Variants in EPHA4 observed in about 807,000 individuals in gnomAD.
EPHA4 encodes the protein EPH receptor A4.
Under a neutral mutation model 108.3 loss-of-function variants are expected in EPHA4, and 19 were observed. The ratio of observed to expected loss-of-function variants is 0.18; its 90% CI spans 0.12 to 0.26. The LOEUF (loss-of-function observed/expected upper bound fraction) is 0.26, where lower values mean the gene tolerates loss of function less well. Among genes scored for constraint, EPHA4 ranks in the 10% least tolerant of loss-of-function variants. EPHA4 has a pLI of 1.00. For missense variants in EPHA4, 917 were observed against 1,254.0 expected, an observed-to-expected ratio of 0.73 and a Z score of 4.06; for synonymous variants, 449 against 455.5, an observed-to-expected ratio of 0.99 and a Z score of 0.18.
intron 3 of EPHA4, among the ~76,000 whole-genome samples, chr2:221,538,019 C>A (rs1335603011): frequency 2.0e-5 from 3 of 152,056 alleles, no homozygotes; most frequent in Non-Finnish European, 4.4e-5. Context: ...GGGGGTTATA[C>A]TTTAGAATTA....
chr2:221,539,426 G>A (rs905783254), intron 3 of EPHA4, among the ~76,000 whole-genome samples: 9 of 152,114 alleles, frequency 5.9e-5, no homozygotes, highest in Admixed American at 3.3e-4. Flanking sequence ...ATGAAGGAAC[G>A]CAATCAAAAT....
At chr2:221,538,128 A>C (rs75381206) in intron 3 of EPHA4, among the ~76,000 whole-genome samples, 164 of 152,336 alleles carry the variant, frequency 1.1e-3, no homozygotes, top group Non-Finnish European at 2.0e-3. Context: ...AAGAGTCTAA[A>C]ACGTAGTGGG....
chr2:221,509,515 G>T (rs1344030766), intron 3 of EPHA4, among the ~76,000 whole-genome samples: 1 of 152,170 alleles, frequency 6.6e-6, no homozygotes, highest in Admixed American at 6.6e-5. Context: ...GTACTGAGTT[G>T]CTTGGCTCTG....
intron 15 of EPHA4, among the ~76,000 whole-genome samples, chr2:221,427,065 C>T (rs1406494268): frequency 6.6e-6 from 1 of 152,202 alleles, no homozygotes; most frequent in Non-Finnish European, 1.5e-5. Context: ...TTGCCACCTG[C>T]CAGACTGGAT....
chr2:221,432,000 A>C (rs1690090614), intron 14 of EPHA4, among the ~76,000 whole-genome samples: 1 of 152,164 alleles, frequency 6.6e-6, no homozygotes, highest in Non-Finnish European at 1.5e-5. Context: ...TCTACATAGA[A>C]TCCAACACAG....
chr2:221,501,346 C>T, intron 3 of EPHA4, 174 bp from the exon 4 acceptor site: 2 of 529,922 alleles, frequency 3.8e-6, no homozygotes, highest in Non-Finnish European at 6.4e-6. Flanking sequence ...AGTATAGTCG[C>T]TCTTTAAGGG....
At chr2:221,538,301 A>G (rs1693730098) in intron 3 of EPHA4, among the ~76,000 whole-genome samples, 1 of 152,228 alleles carries the variant, frequency 6.6e-6, no homozygotes, top group South Asian at 2.1e-4. Flanking sequence ...CAATCTGGTG[A>G]CATGACAAAA....
intron 1 of EPHA4, among the ~76,000 whole-genome samples, chr2:221,570,687 A>G (rs1308838727): frequency 3.7e-5 from 4 of 108,218 alleles, no homozygotes; most frequent in Non-Finnish European, 8.8e-5. Flanking sequence ...CCTTCGGAAC[A>G]GAGAAAACGA....
intron 3 of EPHA4, among the ~76,000 whole-genome samples, chr2:221,506,579 C>CAA (rs1401971981): frequency 6.6e-6 from 1 of 152,184 alleles, no homozygotes; most frequent in Non-Finnish European, 1.5e-5. Context: ...TGAAGATGGA[C>CAA]AATTGGAACT....
At chr2:221,511,069 GA>G (rs1419206397) in intron 3 of EPHA4, among the ~76,000 whole-genome samples, 2 of 152,140 alleles carry the variant, frequency 1.3e-5, no homozygotes, top group African/African-American at 4.8e-5. Flanking sequence ...AATTTCCATG[GA>G]AGTAACTGGT....
intron 11 of EPHA4, among the ~76,000 whole-genome samples, chr2:221,437,740 C>T (rs13391345): frequency 0.075 from 10,963 of 145,812 alleles, 580 homozygotes; most frequent in East Asian, 0.25. Context: ...GGTGAAACCC[C>T]GTTTCTACTA....
At chr2:221,506,219 A>G (rs367786893) in intron 3 of EPHA4, among the ~76,000 whole-genome samples, 1 of 152,164 alleles carries the variant, frequency 6.6e-6, no homozygotes, top group Non-Finnish European at 1.5e-5. Context: ...TTAGGCATCT[A>G]TGTTAGAAAT....
chr2:221,487,286 A>G (rs1237769443), intron 4 of EPHA4, among the ~76,000 whole-genome samples: 1 of 152,354 alleles, frequency 6.6e-6, no homozygotes, highest in East Asian at 1.9e-4. Context: ...CAGAGACTCA[A>G]GGAAACTAAA....
At chr2:221,485,147 A>C (rs1356940001) in intron 4 of EPHA4, among the ~76,000 whole-genome samples, 4 of 152,216 alleles carry the variant, frequency 2.6e-5, no homozygotes, top group African/African-American at 9.7e-5. Context: ...AATGTGACAC[A>C]ATGAATCAAG....
chr2:221,510,293 T>C (rs1692788217), intron 3 of EPHA4, among the ~76,000 whole-genome samples: 2 of 152,222 alleles, frequency 1.3e-5, no homozygotes, highest in Admixed American at 1.3e-4. Context: ...ATAGACAAGA[T>C]TGGAAGTATG....
intron 3 of EPHA4, among the ~76,000 whole-genome samples, chr2:221,539,628 GT>G (rs1693773351): frequency 6.6e-6 from 1 of 152,112 alleles, no homozygotes; most frequent in Non-Finnish European, 1.5e-5. Flanking sequence ...AAAATACAGC[GT>G]AAACTCCTCT....
rs562590760 is a variant in EPHA4 at position 221,448,417 on chromosome 2, A to C, written c.1716-2236T>G. On this transcript the variant is annotated intron_variant, in intron 8 of 17. Coordinates refer to ENST00000281821, the MANE Select transcript of EPHA4 (RefSeq NM_004438.5). Reference sequence around the variant, plus strand: ...GTAGTATTACGTTTTATATCAGTACATTCACTTAAAGTGAATTCAATTGCT... The same window carrying C: ...GTAGTATTACGTTTTATATCAGTACCTTCACTTAAAGTGAATTCAATTGCT... Among the ~76,000 whole-genome samples the C allele has an allele frequency of 5.8e-4, 88 of 152,316 alleles. 1 individual carries two copies. Among genetic ancestry groups the C allele is most frequent in the African/African-American group, 2.0e-3 (84 of 41,568 alleles).
At chr2:221,421,632 A>G (rs991924354) in intron 17 of EPHA4, among the ~76,000 whole-genome samples, 4 of 152,210 alleles carry the variant, frequency 2.6e-5, no homozygotes, top group African/African-American at 9.6e-5. Context: ...CATTGTCCAT[A>G]TATTTGTCAC....
At chr2:221,421,612 C>T (rs566023123) in intron 17 of EPHA4, among the ~76,000 whole-genome samples, 1 of 152,252 alleles carries the variant, frequency 6.6e-6, no homozygotes, top group Non-Finnish European at 1.5e-5. Context: ...ATGGACTCCT[C>T]ATGGCTCCTC....
Sources: gnomAD v4.1 joint callset for allele counts (sites outside exome capture counted in the v4.1 genomes callset) on GRCh38, gnomAD v4.1.1 for gene constraint, MANE v1.5 for transcripts, NCBI Gene and HGNC (gene_info 2026-07-23, HGNC 2026-07-21) for gene names.